The following SLC8A1 variants were observed in gnomAD, a reference collection of about 807,000 sequenced individuals.
The protein encoded by SLC8A1 is solute carrier family 8 member A1.
SLC8A1 carries 18 observed loss-of-function variants against 68.3 expected under a neutral mutation model. That is an observed-to-expected ratio of 0.26 (90% CI 0.18 to 0.39). The LOEUF (loss-of-function observed/expected upper bound fraction) is 0.39. Among genes scored for constraint, SLC8A1 ranks in the 10% least tolerant of loss-of-function variants. The pLI is 1.00. For missense variants in SLC8A1, 985 were observed against 1,156.7 expected (o/e 0.85, Z 2.15); for synonymous variants, 475 against 415.5 (o/e 1.14, Z -1.74).
chr2:40,466,117 C>T (rs1460706389), intron 1 of SLC8A1, among the ~76,000 whole-genome samples: 1 of 151,998 alleles, frequency 6.6e-6, no homozygotes, highest in African/African-American at 2.4e-5. Flanking sequence ...GGTATTTTTT[C>T]ATAACAGCAC....
intron 2 of SLC8A1, among the ~76,000 whole-genome samples, chr2:40,316,147 G>T (rs1575340852): frequency 6.6e-6 from 1 of 152,156 alleles, no homozygotes; most frequent in Non-Finnish European, 1.5e-5. Flanking sequence ...AAAAGAAAGT[G>T]TCAATTGGTT....
upstream of SLC8A1, among the ~76,000 whole-genome samples, chr2:40,455,589 C>T (rs1343243256): frequency 1.3e-5 from 2 of 152,142 alleles, no homozygotes; most frequent in East Asian, 1.9e-4. Context: ...GTGAGTGGAG[C>T]TTAGAATTAG....
exon 8 of SLC8A1, chr2:40,101,654 T>C (rs1167238971): frequency 2.0e-5 from 3 of 152,158 alleles, no homozygotes; most frequent in Non-Finnish European, 4.4e-5. Context: ...GAATGCATTA[T>C]CTTTATAAAG....
At chr2:40,468,732 C>G (rs71439301) in intron 1 of SLC8A1, among the ~76,000 whole-genome samples, 5,414 of 152,074 alleles carry the variant, frequency 0.036, 250 homozygotes, top group East Asian at 0.24. Context: ...CTGGTGCTCA[C>G]TTTTGTTGCA....
chr2:40,429,432 T>C (rs1281143691), exon 2 of SLC8A1: 25 of 1,613,946 alleles, frequency 1.5e-5, no homozygotes, highest in East Asian at 2.2e-5. Flanking sequence ...TCTTAGAAGA[T>C]GGCCTGTCTC....
chr2:40,350,682 A>AT (rs747428755), intron 2 of SLC8A1, among the ~76,000 whole-genome samples: 3 of 148,740 alleles, frequency 2.0e-5, no homozygotes. Context: ...CATTAGCCTT[A>AT]TATAAGTATA....
intron 6 of SLC8A1, among the ~76,000 whole-genome samples, chr2:40,156,831 G>T (rs571505304): frequency 2.6e-5 from 4 of 152,240 alleles, no homozygotes; most frequent in African/African-American, 9.6e-5. Flanking sequence ...TTGTATGTGT[G>T]TGTCTGTGTT....
At chr2:40,364,551 T>C (rs1010601627) in intron 2 of SLC8A1, among the ~76,000 whole-genome samples, 3 of 151,892 alleles carry the variant, frequency 2.0e-5, no homozygotes, top group African/African-American at 4.8e-5. Flanking sequence ...ATTATTTTGC[T>C]CTGTTCACAT....
At chr2:40,411,549 T>A (rs906394570) in intron 2 of SLC8A1, among the ~76,000 whole-genome samples, 5 of 152,112 alleles carry the variant, frequency 3.3e-5, no homozygotes, top group East Asian at 3.9e-4. Context: ...CTCAAAAATG[T>A]TTACTATGAT....
intron 2 of SLC8A1, among the ~76,000 whole-genome samples, chr2:40,183,423 T>C (rs1245405908): frequency 1.3e-5 from 2 of 152,252 alleles, no homozygotes; most frequent in Non-Finnish European, 2.9e-5. Context: ...TATTCCATGA[T>C]GGCTGCTTTA....
At chr2:40,221,573 G>C (rs2058335172) in intron 2 of SLC8A1, among the ~76,000 whole-genome samples, 1 of 152,210 alleles carries the variant, frequency 6.6e-6, no homozygotes, top group African/African-American at 2.4e-5. Flanking sequence ...ATTTGAATAG[G>C]AAGAGAGGAA....
chr2:40,371,717 A>T (rs1284139315), intron 2 of SLC8A1, among the ~76,000 whole-genome samples: 1 of 152,098 alleles, frequency 6.6e-6, no homozygotes, highest in Non-Finnish European at 1.5e-5. Context: ...AAAGGTTTAA[A>T]CTGTCTTTGA....
chr2:40,240,408 A>C (rs908865501), intron 2 of SLC8A1, among the ~76,000 whole-genome samples: 3 of 152,146 alleles, frequency 2.0e-5, no homozygotes, highest in African/African-American at 7.2e-5. Context: ...AGCTTTTGGC[A>C]CTTGAACTGG....
At chr2:40,387,318 T>C (rs1683874648) in intron 2 of SLC8A1, among the ~76,000 whole-genome samples, 2 of 151,490 alleles carry the variant, frequency 1.3e-5, no homozygotes, top group South Asian at 4.1e-4. Context: ...TACTGTGGCA[T>C]GTAGAAGAGA....
At chr2:40,164,103 G>GT (rs1368185804) in intron 5 of SLC8A1, among the ~76,000 whole-genome samples, 2 of 152,158 alleles carry the variant, frequency 1.3e-5, no homozygotes, top group African/African-American at 4.8e-5. Context: ...GAACTGAACT[G>GT]TTTCTTCCCC....
chr2:40,251,661 CTTGT>C (rs1387873484), intron 2 of SLC8A1: 1 of 152,160 alleles, frequency 6.6e-6, no homozygotes, highest in Non-Finnish European at 1.5e-5. Flanking sequence ...AGACGCTCAA[CTTGT>C]TTGTTTTGTG....
intron 2 of SLC8A1, among the ~76,000 whole-genome samples, chr2:40,343,421 A>T (rs1339398446): frequency 6.6e-6 from 1 of 152,166 alleles, no homozygotes; most frequent in Non-Finnish European, 1.5e-5. Flanking sequence ...GTCACTTGGA[A>T]TTCTAACATC....
At chr2:40,341,416 A>T (rs1472659115) in intron 2 of SLC8A1, among the ~76,000 whole-genome samples, 1 of 152,176 alleles carries the variant, frequency 6.6e-6, no homozygotes, top group Non-Finnish European at 1.5e-5. Context: ...CATTGAAACT[A>T]TTGTGGAGTC....
chr2:40,365,303 T>C (rs538813184), intron 2 of SLC8A1, among the ~76,000 whole-genome samples: 1 of 152,086 alleles, frequency 6.6e-6, no homozygotes, highest in Non-Finnish European at 1.5e-5. Context: ...CATTGACATA[T>C]CATATTTTTA....
Sources: gnomAD v4.1 joint callset for allele counts (sites outside exome capture counted in the v4.1 genomes callset) on GRCh38, gnomAD v4.1.1 for gene constraint, MANE v1.5 for transcripts, NCBI Gene and HGNC (gene_info 2026-07-23, HGNC 2026-07-21) for gene names.